KCNQ1: variants seen among roughly 807,000 people sequenced by gnomAD.
The protein encoded by KCNQ1 is potassium voltage-gated channel subfamily KQT member 1.
A neutral mutation model predicts 72.4 loss-of-function variants in KCNQ1; 49 were observed. That is an observed-to-expected ratio of 0.68 (90% confidence interval 0.54 to 0.86). The LOEUF is 0.86. KCNQ1 is among the 40% of genes least tolerant of loss of function. The pLI, the probability that KCNQ1 is intolerant of heterozygous loss-of-function variation, is 0.00. For synonymous variants in KCNQ1, 450 were observed against 412.6 expected, an observed-to-expected ratio of 1.09 and a Z score of -1.10; for missense variants, 790 against 945.1, an observed-to-expected ratio of 0.84 and a Z score of 2.15.
chr11:2,658,737 A>G lies in KCNQ1; in HGVS notation c.1394-3224A>G, dbSNP rs929063661. The G allele has an allele frequency of 5.0e-6, 2 of 398,448 alleles. No individual in the cohort carries two copies. The highest frequency in any genetic ancestry group is 4.4e-6 in the Non-Finnish European group (1 of 226,062). The allele number at this position is 398,448 out of a possible 1,614,324, so 24.7% of individuals were successfully genotyped here. A position where few individuals can be genotyped will look rare whatever the true frequency, so the allele number is the denominator to read the frequency against. ...TACACATACATCTTTACATATCTGT[A>G]TCTATATAAAGCTAACCATGAGTTC... On this transcript the variant is annotated intron_variant, in intron 10 of 15. Coordinates refer to ENST00000155840, the MANE Select transcript of KCNQ1 (RefSeq NM_000218.3). This position sits in a 1 kb window ranked among gnomAD's most constrained non-coding sequence, Gnocchi z 4.9.
intron 7 of KCNQ1, 131 bp from the exon 8 acceptor site, chr11:2,585,081 G>C: frequency 1.2e-6 from 1 of 806,456 alleles, no homozygotes; most frequent in South Asian, 1.4e-5. Context: ...GCCCGAGGTG[G>C]GACTTGGGGG....
Position 2,753,047 on chromosome 11 carries a change from G to T in KCNQ1, c.1515-15797G>T, listed in dbSNP as rs546574509. On this transcript the variant is annotated intron_variant, in intron 11 of 15. Transcript: ENST00000155840. ...AAGAACCACACATGCTTAGTGTCAT[G>T]TGTGATGCATCAACCCAGGGGGAGG... Among the ~76,000 whole-genome samples the T allele has an allele frequency of 2.0e-5, 3 of 152,292 alleles. No homozygotes were observed. The East Asian group carries it at 5.8e-4, about 30-fold the overall frequency.
rs541279675 is a variant in KCNQ1, at chr11:2,599,184, A to G, written c.1393+10330A>G. On this transcript the variant is annotated intron_variant, in intron 10 of 15. Coordinates refer to ENST00000155840, the MANE Select transcript of KCNQ1 (RefSeq NM_000218.3). This position sits in a 1 kb window ranked among gnomAD's most constrained non-coding sequence, Gnocchi z 4.7. ...TTGTCTTACATTTTTCCTGATGTTC[A>G]TATAATATTCAATGAAATAAAATAC... Among the ~76,000 whole-genome samples, 4 of 152,308 alleles carry G rather than the reference A, an allele frequency of 2.6e-5. No individual in the cohort carries two copies. The highest frequency in any genetic ancestry group is 1.3e-4 in the Admixed American group (2 of 15,300).
chr11:2,593,160 C>G lies in KCNQ1; in HGVS notation c.1393+4306C>G, dbSNP rs1437871680. ...CCATGGTGGGTACACGATAAAAATG[C>G]AGGGCTGTGCCACCAGGGTTTTGTC... On this transcript the variant is annotated intron_variant, in intron 10 of 15. Coordinates refer to ENST00000155840, the MANE Select transcript of KCNQ1 (RefSeq NM_000218.3). This position sits in a 1 kb window ranked among gnomAD's most constrained non-coding sequence, Gnocchi z 6.9. 6.6e-6 allele frequency among the ~76,000 whole-genome samples: 1 copy of G among 152,182 alleles called. No homozygotes were observed. The highest frequency in any genetic ancestry group is 2.1e-4 in the South Asian group (1 of 4,828).
At chr11:2,587,823 C>G in intron 9 of KCNQ1, 131 bp downstream of exon 9, 1 of 1,293,994 alleles carries the variant, frequency 7.7e-7, no homozygotes, top group Non-Finnish European at 1.1e-6. Context: ...GAGTCAGCAT[C>G]GTTCGGGACA....
chr11:2,621,014 G>T lies in KCNQ1; in HGVS notation c.1393+32160G>T. ...GTTTTTTGAGAAAGAGTCTTGCTCT[G>T]TCTCCCAGGCTGGAGTGCAGTGGCG... On this transcript the variant is annotated intron_variant, in intron 10 of 15. Coordinates refer to ENST00000155840, the MANE Select transcript of KCNQ1 (RefSeq NM_000218.3). This position sits in a 1 kb window ranked among gnomAD's most constrained non-coding sequence, Gnocchi z 5.7. 1 of 394,990 alleles carries T rather than the reference G, an allele frequency of 2.5e-6. No individual in the cohort carries two copies. Among genetic ancestry groups the T allele is most frequent in the Non-Finnish European group, 4.4e-6 (1 of 225,392 alleles). 24.5% of individuals were successfully genotyped at this position (394,990 alleles called of 1,614,324 possible).
At position 2,661,916 on chromosome 11, in the gene KCNQ1, G is replaced by C; in HGVS notation, c.1394-45G>C. 1 of 1,613,864 alleles carries C rather than the reference G, an allele frequency of 6.2e-7. No homozygotes were observed. The highest frequency in any genetic ancestry group is 1.1e-5 in the South Asian group (1 of 91,080). On this transcript the variant is annotated intron_variant, in intron 10 of 15. Coordinates refer to ENST00000155840, the MANE Select transcript of KCNQ1 (RefSeq NM_000218.3). The surrounding 1 kb of genome is among the most constrained non-coding windows in gnomAD (Gnocchi z 5.9). ...AGGCCTGGCTCCACAGCACTGGCAGGTTGGGTGGGAGGCCTAACGTGCTGT... is the reference window on the plus strand; with the variant it reads ...AGGCCTGGCTCCACAGCACTGGCAGCTTGGGTGGGAGGCCTAACGTGCTGT...
intron 1 of KCNQ1, among the ~76,000 whole-genome samples, chr11:2,517,021 G>T (rs1041089496): frequency 8.5e-5 from 13 of 152,276 alleles, no homozygotes; most frequent in African/African-American, 2.6e-4. Context: ...AAGCACGGCT[G>T]TGTTCACCCC....
intron 11 of KCNQ1, among the ~76,000 whole-genome samples, chr11:2,718,722 C>A (rs1320703553): frequency 6.6e-6 from 1 of 152,172 alleles, no homozygotes; most frequent in Non-Finnish European, 1.5e-5. Flanking sequence ...GCAGTTAGGA[C>A]CACACTAAAA....
chr11:2,470,840 CT>C (rs1846440013), intron 1 of KCNQ1, among the ~76,000 whole-genome samples: 2 of 152,284 alleles, frequency 1.3e-5, no homozygotes, highest in South Asian at 4.1e-4. Flanking sequence ...AACGTTTTGA[CT>C]TTGATGAAGT....
rs973099147 is a variant in KCNQ1 at position 2,447,957 on chromosome 11, G to A, written c.386+2473G>A. On this transcript the variant is annotated intron_variant, in intron 1 of 15. Coordinates refer to ENST00000155840, the MANE Select transcript of KCNQ1 (RefSeq NM_000218.3). The surrounding 1 kb of genome is among the most constrained non-coding windows in gnomAD (Gnocchi z 7.6). ...AGCAGCTCTTCCTGTGTTCCTTCTGGCCTCCCTGGGCTGGCCGGGGTGGAC... is the reference window on the plus strand; with the variant it reads ...AGCAGCTCTTCCTGTGTTCCTTCTGACCTCCCTGGGCTGGCCGGGGTGGAC... Among the ~76,000 whole-genome samples the A allele has an allele frequency of 2.6e-5, 4 of 152,154 alleles. No homozygotes were observed. Among genetic ancestry groups the A allele is most frequent in the Non-Finnish European group, 5.9e-5 (4 of 67,998 alleles).
At position 2,734,666 on chromosome 11, in the gene KCNQ1, G is replaced by A. The variant is rs1465856713; in HGVS notation, c.1515-34178G>A. Among the ~76,000 whole-genome samples the A allele has an allele frequency of 1.3e-5, 2 of 151,776 alleles. No homozygotes were observed. The highest frequency in any genetic ancestry group is 4.8e-5 in the African/African-American group (2 of 41,302). The stretch of plus-strand genomic sequence containing the variant: ...CAGGTCTCGGGGGTAGCTTCCTGAA[G>A]AGATGAGTCAGGTCCCAGGCACATT... On this transcript the variant is annotated intron_variant, in intron 11 of 15. Transcript: ENST00000155840. The surrounding 1 kb of genome is among the most constrained non-coding windows in gnomAD (Gnocchi z 7.0).
chr11:2,575,093 C>T (rs1164270633), intron 6 of KCNQ1, among the ~76,000 whole-genome samples: 1 of 152,178 alleles, frequency 6.6e-6, no homozygotes, highest in Non-Finnish European at 1.5e-5. Flanking sequence ...AAGCAGTGCC[C>T]AGCCTTCGCT....
intron 1 of KCNQ1, among the ~76,000 whole-genome samples, chr11:2,460,936 GTGGCCTCCTGTGGA>G (rs1564787268): frequency 6.6e-6 from 1 of 152,200 alleles, no homozygotes; most frequent in Non-Finnish European, 1.5e-5. Flanking sequence ...GCATGGGGGT[GTGGCCTCCTGTGGA>G]TGGCCCCTGT....
At chr11:2,534,681 G>T (rs1178001999) in intron 2 of KCNQ1, among the ~76,000 whole-genome samples, 1 of 152,206 alleles carries the variant, frequency 6.6e-6, no homozygotes, top group East Asian at 1.9e-4. Flanking sequence ...GTGGGCCTGT[G>T]GGCTCACTTG....
At chr11:2,632,882 G>A (rs1423725066) in intron 10 of KCNQ1, 3 of 398,324 alleles carry the variant, frequency 7.5e-6, no homozygotes, top group Non-Finnish European at 1.3e-5. Flanking sequence ...ATAAACATGA[G>A]AATGCAAATA....
At chr11:2,736,420 G>T (rs547523401) in intron 11 of KCNQ1, among the ~76,000 whole-genome samples, 1 of 152,206 alleles carries the variant, frequency 6.6e-6, no homozygotes, top group Non-Finnish European at 1.5e-5. Flanking sequence ...GTCTTCCTGA[G>T]ACTTGTGACC....
chr11:2,648,787 C>A (rs1849707078), intron 10 of KCNQ1: 1 of 398,416 alleles, frequency 2.5e-6, no homozygotes, highest in South Asian at 1.3e-4. Context: ...AATGAATTGT[C>A]CAATGCTGAG....
chr11:2,495,056 G>A lies in KCNQ1; in HGVS notation c.387-32872G>A, dbSNP rs933385993. 6.6e-6 allele frequency among the ~76,000 whole-genome samples: 1 copy of A among 152,012 alleles called. No homozygotes were observed. The highest frequency in any genetic ancestry group is 1.5e-5 in the Non-Finnish European group (1 of 68,024). Reference sequence around the variant, plus strand: ...TATTCAGGGATTCGACTTTTTCCTGGTTTAGTCTTGGAGGGTGTATGTGTC... The same window carrying A: ...TATTCAGGGATTCGACTTTTTCCTGATTTAGTCTTGGAGGGTGTATGTGTC... On this transcript the variant is annotated intron_variant, in intron 1 of 15. Coordinates refer to ENST00000155840, the MANE Select transcript of KCNQ1 (RefSeq NM_000218.3). This position sits in a 1 kb window ranked among gnomAD's most constrained non-coding sequence, Gnocchi z 4.6.
Sources: gnomAD v4.1 joint callset for allele counts (sites outside exome capture counted in the v4.1 genomes callset) on GRCh38, gnomAD v4.1.1 for gene constraint, Gnocchi (gnomAD v3.1) non-coding constraint, MANE v1.5 for transcripts, NCBI Gene and HGNC (gene_info 2026-07-23, HGNC 2026-07-21) for gene names.